Variants in CFAP47 observed in about 807,000 individuals in gnomAD.
CFAP47 encodes cilia- and flagella-associated protein 47.
In CFAP47, 29 loss-of-function variants were observed where a neutral mutation model predicts 148.1. The observed-to-expected ratio is 0.20, with a 90% CI of 0.15 to 0.27. The LOEUF (loss-of-function observed/expected upper bound fraction) is 0.27. Ranked by LOEUF, CFAP47 falls within the 10% of genes least tolerant of loss-of-function variation. The pLI, the probability that CFAP47 is intolerant of heterozygous loss-of-function variation, is 1.00. For missense variants in CFAP47, 1,872 were observed against 1,697.5 expected, an observed-to-expected ratio of 1.10 and a Z score of -1.81; for synonymous variants, 664 against 577.3, an observed-to-expected ratio of 1.15 and a Z score of -2.15.
At chrX:36,123,606 TG>T (rs1348993442) in intron 33 of CFAP47, among the ~76,000 whole-genome samples, 18 of 111,098 alleles carry the variant, frequency 1.6e-4, no homozygotes, top group Non-Finnish European at 9.4e-5. Flanking sequence ...AGACCACTGA[TG>T]TTTTTTTTAG....
At chrX:35,923,866 CATATATGTATATATGTACATAT>C (rs1935620418) in intron 1 of CFAP47, among the ~76,000 whole-genome samples, 1 of 92,033 alleles carries the variant, frequency 1.1e-5, no homozygotes, top group Non-Finnish European at 2.1e-5. Context: ...TATATATGTA[CATATATGTATATATGTACATAT>C]ATATGTGTAT....
At chrX:36,304,588 A>G (rs149560360) in intron 54 of CFAP47, among the ~76,000 whole-genome samples, 11 of 110,754 alleles carry the variant, frequency 9.9e-5, no homozygotes, top group South Asian at 3.8e-4. Context: ...AGTTTCCAGT[A>G]TTATGATTAT....
At position 36,347,759 on chromosome X, in the gene CFAP47, A is replaced by G. The variant is rs782436080; in HGVS notation, c.8444-370A>G. The stretch of plus-strand genomic sequence containing the variant: ...AACACATGGACACAGGGCAGGGAAC[A>G]TCACACACCATGGCCTGTTGTGGGG... On this transcript the variant is annotated intron_variant, in intron 57 of 63. Transcript: ENST00000378653. 3.2e-3 allele frequency among the ~76,000 whole-genome samples: 347 copies of G among 109,766 alleles called. 2 individuals are homozygous for G. Among genetic ancestry groups the G allele is most frequent in the African/African-American group, 0.011 (337 of 30,077 alleles).
rs1185613889 is a variant in CFAP47, at chrX:35,919,762, G to C, written c.-38G>C. 8 of 1,174,257 alleles carry C rather than the reference G, an allele frequency of 6.8e-6. No homozygotes were observed. The South Asian group carries it at 1.3e-4, about 20-fold the overall frequency. On this transcript the variant is annotated 5_prime_UTR_variant, in exon 1 of 64. Coordinates refer to ENST00000378653, the MANE Select transcript of CFAP47 (RefSeq NM_001304548.2). ...CGTCGACGCTAATCCTTGGCCGGAC[G>C]GATCCACATCTGTTTTCTGGCTACC...
At chrX:35,976,906 C>T (rs1266995155) in intron 15 of CFAP47, among the ~76,000 whole-genome samples, 4 of 111,420 alleles carry the variant, frequency 3.6e-5, no homozygotes, top group African/African-American at 1.3e-4. Context: ...TCTGCCATTC[C>T]CTGGAGTCTA....
intron 18 of CFAP47, among the ~76,000 whole-genome samples, chrX:35,995,739 G>A (rs1416196817): frequency 9.0e-6 from 1 of 111,486 alleles, no homozygotes; most frequent in Non-Finnish European, 1.9e-5. Flanking sequence ...ATTCATCATA[G>A]AGATGAAAGA....
intron 48 of CFAP47, among the ~76,000 whole-genome samples, chrX:36,245,114 G>A (rs1297792401): frequency 8.9e-6 from 1 of 111,772 alleles, no homozygotes; most frequent in Non-Finnish European, 1.9e-5. Flanking sequence ...AAATCATTTG[G>A]TCATCTTAAT....
At chrX:36,019,342 A>C (rs950485819) in intron 22 of CFAP47, among the ~76,000 whole-genome samples, 2 of 112,085 alleles carry the variant, frequency 1.8e-5, no homozygotes, top group African/African-American at 6.5e-5. Flanking sequence ...CCTCGGCCTA[A>C]AGCAAACACG....
Position 35,956,063 on chromosome X carries a change from T to C in CFAP47, c.1277T>C (p.Met426Thr). 1 of 1,209,775 alleles carries C rather than the reference T, an allele frequency of 8.3e-7. No individual in the cohort carries two copies. The highest frequency in any genetic ancestry group is 3.0e-5 in the East Asian group (1 of 33,744). Reference sequence around the variant, plus strand: ...GTTCTTAATTTTAAACCTTGTTTCATGGGTGAACGTTCAGAAATTCAGTGC... The same window carrying C: ...GTTCTTAATTTTAAACCTTGTTTCACGGGTGAACGTTCAGAAATTCAGTGC... ...GPVLNFKPCF[M>T]GERSEIQCII... Residue 426 changes from methionine to threonine, a missense_variant, in exon 8 of 64, where the codon ATG becomes ACG. Met to Thr is a moderately conservative substitution (Grantham distance 81, BLOSUM62 -1). Transcript: ENST00000378653.
At chrX:36,103,140 G>C (rs899529777) in intron 32 of CFAP47, among the ~76,000 whole-genome samples, 1 of 110,723 alleles carries the variant, frequency 9.0e-6, no homozygotes, top group Non-Finnish European at 1.9e-5. Context: ...CTTGTCTTAG[G>C]TTTGATTCCC....
chrX:36,238,922 T>G (rs1350926453), intron 48 of CFAP47, among the ~76,000 whole-genome samples: 2 of 112,303 alleles, frequency 1.8e-5, no homozygotes, highest in Admixed American at 1.9e-4. Flanking sequence ...TTTGATAATC[T>G]GTTACTATAG....
Position 36,175,582 on chromosome X carries a change from C to T in CFAP47, c.6027-3763C>T, listed in dbSNP as rs773369352. 2.7e-5 allele frequency among the ~76,000 whole-genome samples: 3 copies of T among 112,074 alleles called. No individual in the cohort carries two copies. The South Asian group carries it at 1.1e-3, about 42-fold the overall frequency. On this transcript the variant is annotated intron_variant, in intron 39 of 63. Transcript: ENST00000378653. ...CGTGTGAAGTGTCAGTCTGCCCCTG[C>T]TGGGGTGGTGCCTCCCAGTTAGGCT...
At chrX:36,217,875 AT>A (rs1940174046) in intron 45 of CFAP47, among the ~76,000 whole-genome samples, 2 of 111,857 alleles carry the variant, frequency 1.8e-5, no homozygotes, top group African/African-American at 6.5e-5. Flanking sequence ...ATTGCTTTAT[AT>A]TTATAGACAG....
intron 50 of CFAP47, among the ~76,000 whole-genome samples, chrX:36,281,241 A>C (rs782472696): frequency 8.9e-5 from 10 of 112,342 alleles, no homozygotes; most frequent in African/African-American, 2.9e-4. Context: ...AAACTTGTGG[A>C]GACATTTTAA....
In CFAP47 at chrX:36,201,254, TA is replaced by T. The variant is rs1367994041; in HGVS notation, c.6437-19del. 1 of 295,739 alleles carries T rather than the reference TA, an allele frequency of 3.4e-6. No individual in the cohort carries two copies. Among genetic ancestry groups the T allele is most frequent in the Non-Finnish European group, 5.9e-6 (1 of 169,705 alleles). 24.4% of individuals were successfully genotyped at this position (295,739 alleles called of 1,213,427 possible). A position where few individuals can be genotyped will look rare whatever the true frequency, so the allele number is the denominator to read the frequency against. ...CATAAATGTTCATTGTATTCATTAA[TA>T]TTTTTTTTCTTCCTCCAGGGCCTAA... On this transcript the variant is annotated intron_variant, in intron 43 of 63. Transcript: ENST00000378653.
At chrX:36,353,816 T>A in intron 60 of CFAP47, 135 bp downstream of exon 60, 1 of 462,085 alleles carries the variant, frequency 2.2e-6, no homozygotes, top group Non-Finnish European at 3.5e-6. Flanking sequence ...ATTCACATAG[T>A]GCTTAAGGAG....
chrX:35,928,259 T>C (rs1935775911), intron 2 of CFAP47, among the ~76,000 whole-genome samples: 2 of 110,966 alleles, frequency 1.8e-5, no homozygotes, highest in Admixed American at 1.9e-4. Flanking sequence ...CCATTTTACA[T>C]TTCAAAGAGT....
intron 39 of CFAP47, among the ~76,000 whole-genome samples, chrX:36,175,774 A>G (rs1939665721): frequency 1.8e-5 from 2 of 113,060 alleles, no homozygotes; most frequent in Admixed American, 1.9e-4. Context: ...CCCTGCCCCC[A>G]GAGGTGGAGC....
chrX:35,926,713 C>T (rs970373316), intron 2 of CFAP47, among the ~76,000 whole-genome samples: 2 of 111,323 alleles, frequency 1.8e-5, no homozygotes, highest in Non-Finnish European at 3.8e-5. Context: ...ATATATGATC[C>T]TCCTTTTCCC....
Sources: gnomAD v4.1 joint callset for allele counts (sites outside exome capture counted in the v4.1 genomes callset) on GRCh38, gnomAD v4.1.1 for gene constraint, MANE v1.5 for transcripts, NCBI Gene and HGNC (gene_info 2026-07-23, HGNC 2026-07-21) for gene names.